Variants in FBLN5 observed in about 807,000 individuals in gnomAD.
The protein encoded by FBLN5 is fibulin 5, also known as fibulin-5.
FBLN5 carries 24 observed loss-of-function variants against 61.6 expected under a neutral mutation model. The ratio of observed to expected loss-of-function variants is 0.39; its 90% CI spans 0.28 to 0.55. The LOEUF (loss-of-function observed/expected upper bound fraction) is 0.55. Ranked by LOEUF, FBLN5 falls within the 20% of genes least tolerant of loss-of-function variation. The pLI is 0.65. For synonymous variants in FBLN5, 213 were observed against 219.8 expected, an observed-to-expected ratio of 0.97 and a Z score of 0.27; for missense variants, 470 against 594.1, an observed-to-expected ratio of 0.79 and a Z score of 2.17.
chr14:91,907,325 G>A (rs1890723405), intron 4 of FBLN5, among the ~76,000 whole-genome samples: 1 of 152,138 alleles, frequency 6.6e-6, no homozygotes, highest in African/African-American at 2.4e-5. Flanking sequence ...ACTACACATT[G>A]AGCCTCCCTA....
chr14:91,910,506 A>G (rs1490012811), intron 4 of FBLN5, among the ~76,000 whole-genome samples: 1 of 152,174 alleles, frequency 6.6e-6, no homozygotes, highest in Non-Finnish European at 1.5e-5. Context: ...AAGATAATAC[A>G]TTTCTTGTTA....
At chr14:91,895,216 G>A (rs908028729) in intron 4 of FBLN5, 144 bp from the exon 5 acceptor site, 60 of 887,184 alleles carry the variant, frequency 6.8e-5, no homozygotes, top group Middle Eastern at 3.1e-4. Flanking sequence ...GTGCTTCCCC[G>A]ATGGGCACCT....
At chr14:91,941,381 C>G (rs1184292870) in intron 2 of FBLN5, among the ~76,000 whole-genome samples, 1 of 152,072 alleles carries the variant, frequency 6.6e-6, no homozygotes, top group Non-Finnish European at 1.5e-5. Flanking sequence ...ACAACTTGAG[C>G]TACAAATGTA....
chr14:91,877,851 TG>T, intron 9 of FBLN5, 169 bp from the exon 10 acceptor site: 1 of 684,210 alleles, frequency 1.5e-6, no homozygotes, highest in East Asian at 2.8e-5. Flanking sequence ...CTCTCCAGCA[TG>T]TAGGCGAGCT....
In FBLN5 at chr14:91,887,297, G is replaced by T. The variant is rs755405151; in HGVS notation, c.635C>A (p.Ala212Asp). 5.0e-6 allele frequency: 8 copies of T among 1,612,590 alleles called. No homozygotes were observed. The highest frequency in any genetic ancestry group is 6.8e-6 in the Non-Finnish European group (8 of 1,179,580). Residue 212 changes from alanine (A) to aspartate (D), a missense_variant, in exon 7 of 11, where the codon GCC becomes GAC. Transcript: ENST00000342058. ...GRSCQDVNECATENPCVQTCV... is the reference protein window; with the variant it reads ...GRSCQDVNECDTENPCVQTCV... ...GGTTTGCACGCAGGGGTTCTCGGTG[G>T]CACACTCGTTCACATCTGTGGAAAG...
At chr14:91,909,785 G>A (rs1401533334) in intron 4 of FBLN5, among the ~76,000 whole-genome samples, 1 of 152,084 alleles carries the variant, frequency 6.6e-6, no homozygotes, top group African/African-American at 2.4e-5. Flanking sequence ...AAATTACCTG[G>A]TCTGTGGTGT....
intron 9 of FBLN5, 38 bp from the exon 10 acceptor site, chr14:91,877,720 C>T: frequency 6.5e-7 from 1 of 1,544,872 alleles, no homozygotes; most frequent in Non-Finnish European, 9.0e-7. Flanking sequence ...TCAAGAAATC[C>T]ATTCCAGGTG....
chr14:91,889,939 G>A (rs1421591451), intron 6 of FBLN5, among the ~76,000 whole-genome samples: 1 of 152,180 alleles, frequency 6.6e-6, no homozygotes, highest in African/African-American at 2.4e-5. Flanking sequence ...CTGGGGGCAC[G>A]GTGCCAGCCT....
intron 4 of FBLN5, among the ~76,000 whole-genome samples, chr14:91,910,260 A>C (rs747290363): frequency 3.3e-5 from 5 of 152,186 alleles, no homozygotes; most frequent in African/African-American, 7.2e-5. Flanking sequence ...TGCTAAGTGA[A>C]ACACGCCACT....
At chr14:91,908,726 A>G (rs1376104491) in intron 4 of FBLN5, among the ~76,000 whole-genome samples, 1 of 152,212 alleles carries the variant, frequency 6.6e-6, no homozygotes, top group African/African-American at 2.4e-5. Context: ...ATAGGAGCCC[A>G]TCCCAACCCA....
Position 91,882,846 on chromosome 14 carries a change from C to T in FBLN5, c.862+108G>A, listed in dbSNP as rs1889538424. The T allele has an allele frequency of 2.2e-6, 3 of 1,353,212 alleles. No homozygotes were observed. The highest frequency in any genetic ancestry group is 1.4e-5 in the African/African-American group (1 of 69,480). 83.8% of individuals were successfully genotyped at this position (1,353,212 alleles called of 1,614,324 possible). Reference sequence around the variant, plus strand: ...CCCACTCACACCCCCACCCCTGCCACCTTCCCAAAGCTGCACATGATTCCC... The same window carrying T: ...CCCACTCACACCCCCACCCCTGCCATCTTCCCAAAGCTGCACATGATTCCC... On this transcript the variant is annotated intron_variant, in intron 8 of 10. Transcript: ENST00000342058. This position sits in a 1 kb window ranked among gnomAD's most constrained non-coding sequence, Gnocchi z 4.9.
intron 4 of FBLN5, among the ~76,000 whole-genome samples, chr14:91,924,410 G>C (rs1259000114): frequency 6.6e-6 from 1 of 152,146 alleles, no homozygotes; most frequent in African/African-American, 2.4e-5. Flanking sequence ...TGGTGAGACC[G>C]CGTGTGGTGG....
intron 4 of FBLN5, among the ~76,000 whole-genome samples, chr14:91,908,928 A>AT (rs1566814870): frequency 6.6e-6 from 1 of 151,206 alleles, no homozygotes; most frequent in Non-Finnish European, 1.5e-5. Context: ...TTAATTAATT[A>AT]TTTTTTTTGA....
chr14:91,879,698 T>C (rs147095754), intron 9 of FBLN5, among the ~76,000 whole-genome samples: 1 of 152,354 alleles, frequency 6.6e-6, no homozygotes, highest in African/African-American at 2.4e-5. Flanking sequence ...GGTTGCTTAG[T>C]AGCACAGCTC....
Position 91,947,026 on chromosome 14 carries a change from A to C in FBLN5, c.17+187T>G. ...TTAGAAAATACCCACTCCCAAAAGAACGCTTCAAGATGGAAATTACAGAGG... is the reference window on the plus strand; with the variant it reads ...TTAGAAAATACCCACTCCCAAAAGACCGCTTCAAGATGGAAATTACAGAGG... On this transcript the variant is annotated intron_variant, in intron 1 of 10. Coordinates refer to ENST00000342058, the MANE Select transcript of FBLN5 (RefSeq NM_006329.4). The surrounding 1 kb of genome is among the most constrained non-coding windows in gnomAD (Gnocchi z 4.3). The C allele has an allele frequency of 1.3e-6, 2 of 1,523,774 alleles. No individual in the cohort carries two copies. Among genetic ancestry groups the C allele is most frequent in the Non-Finnish European group, 1.8e-6 (2 of 1,136,788 alleles). 94.4% of individuals were successfully genotyped at this position (1,523,774 alleles called of 1,614,324 possible). A position where few individuals can be genotyped will look rare whatever the true frequency, so the allele number is the denominator to read the frequency against.
chr14:91,947,604 A>C lies in FBLN5; in HGVS notation c.-375T>G. 36 of 265,686 alleles carry C rather than the reference A, an allele frequency of 1.4e-4. No individual in the cohort carries two copies. The highest frequency in any genetic ancestry group is 1.4e-3 in the Middle Eastern group (1 of 734). 16.5% of individuals were successfully genotyped at this position (265,686 alleles called of 1,614,324 possible). ...CCAACTGGCTAGACTCCTCACAACAATCTTGGGGCGTCTGCCAGGGCCCAG... is the reference window on the plus strand; with the variant it reads ...CCAACTGGCTAGACTCCTCACAACACTCTTGGGGCGTCTGCCAGGGCCCAG... On this transcript the variant is annotated 5_prime_UTR_variant, in exon 1 of 11. Transcript: ENST00000342058. The surrounding 1 kb of genome is among the most constrained non-coding windows in gnomAD (Gnocchi z 4.3).
chr14:91,935,367 A>G (rs2055996607), intron 4 of FBLN5, among the ~76,000 whole-genome samples: 1 of 152,220 alleles, frequency 6.6e-6, no homozygotes, highest in African/African-American at 2.4e-5. Context: ...TGTCTGCACC[A>G]CGACCACCCA....
chr14:91,915,832 G>T (rs1194150853), intron 4 of FBLN5, among the ~76,000 whole-genome samples: 1 of 151,324 alleles, frequency 6.6e-6, no homozygotes, highest in Non-Finnish European at 1.5e-5. Context: ...AAATTTCCAT[G>T]AATGACCTAA....
chr14:91,914,869 T>C (rs1475085244), intron 4 of FBLN5, among the ~76,000 whole-genome samples: 11 of 151,404 alleles, frequency 7.3e-5, no homozygotes. Flanking sequence ...AATTAAAGAA[T>C]TAACACAAGG....
Sources: gnomAD v4.1 joint callset for allele counts (sites outside exome capture counted in the v4.1 genomes callset) on GRCh38, gnomAD v4.1.1 for gene constraint, Gnocchi (gnomAD v3.1) non-coding constraint, MANE v1.5 for transcripts, NCBI Gene and HGNC (gene_info 2026-07-23, HGNC 2026-07-21) for gene names.